Variants in HORMAD2 observed in about 807,000 individuals in gnomAD.
The protein encoded by HORMAD2 is HORMA domain-containing protein 2.
A neutral mutation model predicts 38.8 loss-of-function variants in HORMAD2; 45 were observed. That is an observed-to-expected ratio of 1.16 (90% CI 0.91 to 1.49). The LOEUF is 1.49. Ranked by LOEUF, HORMAD2 falls within the 40% of genes most tolerant of loss-of-function variation. The pLI is 0.00. For missense variants in HORMAD2, 338 were observed against 367.0 expected, an observed-to-expected ratio of 0.92 and a Z score of 0.65; for synonymous variants, 126 against 122.8, an observed-to-expected ratio of 1.03 and a Z score of -0.17.
At chr22:30,116,425 C>G (rs4239933) in intron 7 of HORMAD2, among the ~76,000 whole-genome samples, 32,047 of 152,088 alleles carry the variant, frequency 0.21, 3,896 homozygotes, top group Middle Eastern at 0.38. Context: ...GATGGACTTG[C>G]AATTTGCTTT....
chr22:30,201,569 C>G, the HORMAD2 span, among the ~76,000 whole-genome samples: 4 of 152,226 alleles, frequency 2.6e-5, no homozygotes, highest in South Asian at 8.3e-4. Flanking sequence ...AGGCGCCCAC[C>G]CCCTCGCCCG....
chr22:30,098,991 A>G lies in HORMAD2; in HGVS notation c.191A>G (p.Asp64Gly). Reference protein sequence around the residue: ...PESSYGERHLDDLSLKILRED... With the variant: ...PESSYGERHLGDLSLKILRED... The stretch of plus-strand genomic sequence containing the variant: ...AGCTCTTATGGAGAACGCCATTTGG[A>G]TGGTAAAGTTAAACTAACTAGTCTC... The change falls in exon 3 of 11, where the codon GAT becomes GGT. Residue 64 changes from aspartate to glycine, a missense_variant and splice_region_variant. By Grantham distance (94) the Asp-to-Gly change is moderately conservative. Transcript: ENST00000336726. The G allele has an allele frequency of 1.2e-6, 2 of 1,606,590 alleles. No individual in the cohort carries two copies. The highest frequency in any genetic ancestry group is 1.7e-6 in the Non-Finnish European group (2 of 1,176,738).
chr22:30,088,698 AT>A (rs951531641), intron 1 of HORMAD2, among the ~76,000 whole-genome samples: 1 of 151,416 alleles, frequency 6.6e-6, no homozygotes, highest in African/African-American at 2.4e-5. Flanking sequence ...TAATTTAAAA[AT>A]TAAAAAGTAA....
At chr22:30,206,417 C>A in the HORMAD2 span, among the ~76,000 whole-genome samples, 1 of 152,126 alleles carries the variant, frequency 6.6e-6, no homozygotes, top group Non-Finnish European at 1.5e-5. Flanking sequence ...CTCAGCCTCC[C>A]AAAGTGCTGG....
At position 30,176,256 on chromosome 22, in the gene HORMAD2, G is replaced by T; in HGVS notation, c.*89G>T. 1.1e-6 allele frequency: 1 copy of T among 905,780 alleles called. No individual in the cohort carries two copies. 56.1% of individuals were successfully genotyped at this position (905,780 alleles called of 1,614,324 possible). On this transcript the variant is annotated 3_prime_UTR_variant, in exon 11 of 11. Transcript: ENST00000336726. ...TGTCTTAGCAGGAAAGTACATTCCT[G>T]TTACCAAAACCTTTTTCTAAATTTT...
intron 1 of HORMAD2, among the ~76,000 whole-genome samples, chr22:30,091,177 G>GA (rs1167099337): frequency 1.3e-5 from 2 of 151,478 alleles, no homozygotes; most frequent in East Asian, 3.9e-4. Context: ...TTAAATGGCT[G>GA]AATAATATTC....
At chr22:30,093,810 A>G in intron 1 of HORMAD2, 106 bp from the exon 2 acceptor site, 1 of 553,294 alleles carries the variant, frequency 1.8e-6, no homozygotes, top group South Asian at 3.2e-5. Context: ...CTTTGATTTT[A>G]ATTTTTTGTT....
At chr22:30,139,505 C>T (rs1923928589) in intron 10 of HORMAD2, among the ~76,000 whole-genome samples, 1 of 151,196 alleles carries the variant, frequency 6.6e-6, no homozygotes, top group Non-Finnish European at 1.5e-5. Flanking sequence ...TAGAGGATTC[C>T]TGAGGATTTT....
At chr22:30,091,159 A>G (rs1262052797) in intron 1 of HORMAD2, among the ~76,000 whole-genome samples, 3 of 151,674 alleles carry the variant, frequency 2.0e-5, no homozygotes, top group Middle Eastern at 6.8e-3. Context: ...GACAGATTTC[A>G]TGCTTTTTTA....
chr22:30,094,215 C>T (rs1003538473), intron 2 of HORMAD2, among the ~76,000 whole-genome samples: 2 of 152,152 alleles, frequency 1.3e-5, no homozygotes, highest in Admixed American at 1.3e-4. Context: ...TTACTGGGTG[C>T]TTGTTTCATG....
chr22:30,133,642 CA>C (rs1347410335), intron 10 of HORMAD2, among the ~76,000 whole-genome samples: 3 of 148,794 alleles, frequency 2.0e-5, no homozygotes, highest in Admixed American at 2.0e-4. Context: ...CTGTTAAAAA[CA>C]AAAAACAAAA....
chr22:30,202,336 T>G, the HORMAD2 span, among the ~76,000 whole-genome samples: 1 of 151,876 alleles, frequency 6.6e-6, no homozygotes, highest in East Asian at 1.9e-4. Flanking sequence ...TTATGGCCTT[T>G]GAGAGGCAAT....
intron 7 of HORMAD2, among the ~76,000 whole-genome samples, chr22:30,117,765 C>T (rs990935542): frequency 6.6e-6 from 1 of 152,172 alleles, no homozygotes; most frequent in African/African-American, 2.4e-5. Context: ...AAAATGACCT[C>T]GGTCTCCCAA....
chr22:30,104,201 A>AAAAT (rs1251442979), intron 4 of HORMAD2, among the ~76,000 whole-genome samples, 200 bp from the exon 5 acceptor site: 1 of 152,216 alleles, frequency 6.6e-6, no homozygotes, highest in African/African-American at 2.4e-5. Flanking sequence ...TCACTACCAC[A>AAAAT]AAATAGCTCA....
chr22:30,200,606 C>T, the HORMAD2 span, among the ~76,000 whole-genome samples: 10 of 151,850 alleles, frequency 6.6e-5, no homozygotes, highest in Admixed American at 1.3e-4. Context: ...TTTAAGGGTA[C>T]AACCATGTGA....
At position 30,124,488 on chromosome 22, in the gene HORMAD2, C is replaced by T. The variant is rs1018499296; in HGVS notation, c.819+2274C>T. On this transcript the variant is annotated intron_variant, in intron 10 of 10. Coordinates refer to ENST00000336726, the MANE Select transcript of HORMAD2 (RefSeq NM_152510.4). Reference sequence around the variant, plus strand: ...CACCACGTGTCCCTTCCTCATTGCACGCCCTCTGAAGGTAACCACTCTCCT... The same window carrying T: ...CACCACGTGTCCCTTCCTCATTGCATGCCCTCTGAAGGTAACCACTCTCCT... Among the ~76,000 whole-genome samples, 7 of 152,192 alleles carry T rather than the reference C, an allele frequency of 4.6e-5. 1 individual carries two copies. The highest frequency in any genetic ancestry group is 1.3e-4 in the Admixed American group (2 of 15,280).
At chr22:30,206,928 G>C in the HORMAD2 span, 10 of 388,528 alleles carry the variant, frequency 2.6e-5, no homozygotes, top group South Asian at 2.0e-4. Flanking sequence ...TCATTCAAGG[G>C]AAATGGCCCA....
chr22:30,205,440 C>G, the HORMAD2 span, among the ~76,000 whole-genome samples: 1 of 152,132 alleles, frequency 6.6e-6, no homozygotes, highest in Non-Finnish European at 1.5e-5. Flanking sequence ...GTTTCGCAGA[C>G]GGGGAAAGTG....
intron 10 of HORMAD2, among the ~76,000 whole-genome samples, chr22:30,142,026 A>C (rs1924113706): frequency 6.6e-6 from 1 of 152,048 alleles, no homozygotes; most frequent in African/African-American, 2.4e-5. Flanking sequence ...GAGGCAAGAG[A>C]ATGGCTTGAG....
Sources: allele counts gnomAD v4.1 joint callset (sites outside exome capture counted in the v4.1 genomes callset), GRCh38; gene constraint gnomAD v4.1.1; transcripts MANE v1.5; gene names NCBI Gene and HGNC (gene_info 2026-07-23, HGNC 2026-07-21).